Variants in CDHR3 observed in about 807,000 individuals in gnomAD.
The protein encoded by CDHR3 is cadherin-related family member 3.
In CDHR3, 79 loss-of-function variants were observed where a neutral mutation model predicts 86.6. That is an observed-to-expected ratio of 0.91 (90% confidence interval 0.76 to 1.10). The LOEUF (loss-of-function observed/expected upper bound fraction) is 1.10, where lower values mean the gene tolerates loss of function less well. CDHR3 is among the 50% of genes least tolerant of loss of function. The pLI is 0.00. For synonymous variants in CDHR3, 421 were observed against 402.4 expected (o/e 1.05, Z -0.55); for missense variants, 1,081 against 1,077.6 (o/e 1.00, Z -0.04).
At chr7:105,988,242 G>C (rs908512911) in intron 4 of CDHR3, among the ~76,000 whole-genome samples, 6 of 152,184 alleles carry the variant, frequency 3.9e-5, no homozygotes, top group Admixed American at 3.3e-4. Context: ...TCAGGCATTA[G>C]AACATACTTA....
chr7:106,027,789 T>C (rs1837596016), intron 16 of CDHR3: 1 of 348,242 alleles, frequency 2.9e-6, no homozygotes. Context: ...ATGATTTTAA[T>C]AAATGAGATT....
At chr7:106,004,006 A>G (rs1833591244) in intron 7 of CDHR3, among the ~76,000 whole-genome samples, 1 of 151,786 alleles carries the variant, frequency 6.6e-6, no homozygotes, top group Admixed American at 6.6e-5. Flanking sequence ...AAAAAAAAAA[A>G]AAAAAGAAAG....
intron 5 of CDHR3, 50 bp from the exon 6 acceptor site, chr7:105,996,200 A>C (rs1482474159): frequency 3.0e-6 from 3 of 993,758 alleles, no homozygotes; most frequent in Non-Finnish European, 4.7e-6. Context: ...CCTATTTTGA[A>C]GTAGTGCCAG....
intron 15 of CDHR3, among the ~76,000 whole-genome samples, chr7:106,025,927 G>A (rs909164736): frequency 1.3e-5 from 2 of 152,168 alleles, no homozygotes; most frequent in African/African-American, 4.8e-5. Flanking sequence ...GTGGTGTACT[G>A]TACTGGGATT....
intron 15 of CDHR3, 100 bp from the exon 16 acceptor site, chr7:106,026,582 C>A: frequency 7.9e-7 from 1 of 1,265,464 alleles, no homozygotes; most frequent in Non-Finnish European, 1.2e-6. Flanking sequence ...ACCCCTGTAT[C>A]TCAAAGGGCA....
intron 3 of CDHR3, among the ~76,000 whole-genome samples, chr7:105,982,068 C>T (rs1056996761): frequency 6.6e-6 from 1 of 151,862 alleles, no homozygotes. Flanking sequence ...GTCTGTTTTC[C>T]ATACTGCAGT....
intron 5 of CDHR3, among the ~76,000 whole-genome samples, chr7:105,995,493 G>A (rs1832046761): frequency 6.6e-6 from 1 of 152,142 alleles, no homozygotes. Flanking sequence ...TTTGATTTGG[G>A]CAGATGCTGG....
At position 106,030,680 on chromosome 7, in the gene CDHR3, C is replaced by A; in HGVS notation, c.2305-112C>A. 1.1e-6 allele frequency: 1 copy of A among 939,878 alleles called. No individual in the cohort carries two copies. The highest frequency in any genetic ancestry group is 1.5e-5 in the South Asian group (1 of 67,616). The allele number at this position is 939,878 out of a possible 1,614,324, so 58.2% of individuals were successfully genotyped here. A position where few individuals can be genotyped will look rare whatever the true frequency, so the allele number is the denominator to read the frequency against. ...ATCTATCACAGTGCCTAATTAAAGA[C>A]TTAGAAGTCAAGAAGGCTTTGGTTA... On this transcript the variant is annotated intron_variant, in intron 17 of 18. Transcript: ENST00000317716. This position sits in a 1 kb window ranked among gnomAD's most constrained non-coding sequence, Gnocchi z 4.8.
At chr7:105,998,852 GA>G (rs1264455058) in intron 6 of CDHR3, among the ~76,000 whole-genome samples, 1 of 151,628 alleles carries the variant, frequency 6.6e-6, no homozygotes, top group African/African-American at 2.4e-5. Flanking sequence ...CCTGTGCACA[GA>G]GCTTGCTGTG....
intron 1 of CDHR3, among the ~76,000 whole-genome samples, chr7:105,964,471 C>G (rs1826553151): frequency 6.6e-6 from 1 of 151,836 alleles, no homozygotes; most frequent in Admixed American, 6.6e-5. Context: ...TATCTAACTG[C>G]CAGGCCTGGA....
chr7:106,015,339 C>T lies in CDHR3; in HGVS notation c.1327+126C>T, dbSNP rs547987744. The T allele has an allele frequency of 4.1e-4, 291 of 711,004 alleles. 1 individual carries two copies. Among genetic ancestry groups the T allele is most frequent in the Middle Eastern group, 9.8e-4 (4 of 4,092 alleles). The allele number at this position is 711,004 out of a possible 1,614,324, so 44.0% of individuals were successfully genotyped here. On this transcript the variant is annotated intron_variant, in intron 10 of 18. Coordinates refer to ENST00000317716, the MANE Select transcript of CDHR3 (RefSeq NM_152750.5). ...CTAGTACTGCCCTCATGCGGGGACC[C>T]CCTCTTTCTCGGCTGAATTACAACA...
intron 1 of CDHR3, among the ~76,000 whole-genome samples, chr7:105,970,043 AC>A (rs1440405247): frequency 6.6e-6 from 1 of 152,072 alleles, no homozygotes; most frequent in African/African-American, 2.4e-5. Flanking sequence ...TTTTCACAGA[AC>A]TGATTTTGTT....
At chr7:105,985,418 A>G (rs1830387067) in intron 4 of CDHR3, among the ~76,000 whole-genome samples, 1 of 152,228 alleles carries the variant, frequency 6.6e-6, no homozygotes, top group Non-Finnish European at 1.5e-5. Flanking sequence ...CCTTACAGAG[A>G]AGAGAATACT....
intron 2 of CDHR3, among the ~76,000 whole-genome samples, chr7:105,980,638 T>A (rs1423944848): frequency 1.7e-5 from 2 of 118,986 alleles, no homozygotes; most frequent in Non-Finnish European, 3.7e-5. Flanking sequence ...TTTTTTTTTT[T>A]ATTATACTCT....
chr7:106,007,890 A>T (rs145568704), intron 8 of CDHR3, among the ~76,000 whole-genome samples: 96 of 152,346 alleles, frequency 6.3e-4, no homozygotes, highest in African/African-American at 2.2e-3. Flanking sequence ...GCTAATAAAG[A>T]CATACCCGAG....
intron 8 of CDHR3, among the ~76,000 whole-genome samples, chr7:106,005,786 G>A (rs1222753794): frequency 6.6e-6 from 1 of 152,168 alleles, no homozygotes; most frequent in East Asian, 1.9e-4. Context: ...GGCATGCCCA[G>A]TATAATGTTA....
intron 5 of CDHR3, among the ~76,000 whole-genome samples, chr7:105,995,151 A>C (rs945083105): frequency 6.6e-5 from 10 of 152,206 alleles, no homozygotes; most frequent in Non-Finnish European, 1.3e-4. Flanking sequence ...GTGTCTTTCC[A>C]TAAGGTCAGG....
intron 2 of CDHR3, 127 bp from the exon 3 acceptor site, chr7:105,980,841 C>G (rs1387654912): frequency 9.5e-6 from 8 of 839,230 alleles, no homozygotes; most frequent in Non-Finnish European, 1.5e-5. Context: ...GTTCCTCTGA[C>G]AGTGAATGAA....
At chr7:106,024,910 C>G (rs1195461023) in intron 15 of CDHR3, among the ~76,000 whole-genome samples, 1 of 152,162 alleles carries the variant, frequency 6.6e-6, no homozygotes, top group Non-Finnish European at 1.5e-5. Flanking sequence ...ATGCCGTGCT[C>G]TTATTTGTAG....
Sources: gnomAD v4.1 joint callset for allele counts (sites outside exome capture counted in the v4.1 genomes callset) on GRCh38, gnomAD v4.1.1 for gene constraint, Gnocchi (gnomAD v3.1) non-coding constraint, MANE v1.5 for transcripts, NCBI Gene and HGNC (gene_info 2026-07-23, HGNC 2026-07-21) for gene names.